HDGFL3: variants seen among roughly 807,000 people sequenced by gnomAD.
HDGFL3 encodes the protein HDGF like 3.
Under a neutral mutation model 27.6 loss-of-function variants are expected in HDGFL3, and 6 were observed. The ratio of observed to expected loss-of-function variants is 0.22; its 90% CI spans 0.12 to 0.43. HDGFL3 has a LOEUF of 0.43. Among genes scored for constraint, HDGFL3 ranks in the 20% least tolerant of loss-of-function variants. The pLI, the probability that HDGFL3 is intolerant of heterozygous loss-of-function variation, is 1.00. For synonymous variants in HDGFL3, 88 were observed against 88.9 expected, an observed-to-expected ratio of 0.99 and a Z score of 0.05; for missense variants, 207 against 250.1, an observed-to-expected ratio of 0.83 and a Z score of 1.16.
intron 3 of HDGFL3, among the ~76,000 whole-genome samples, chr15:83,121,129 G>A (rs568859302): frequency 6.6e-6 from 1 of 151,768 alleles, no homozygotes; most frequent in South Asian, 2.1e-4. Context: ...GGAGTGCAGT[G>A]GTGCGATCTT....
chr15:83,163,878 G>T, intron 2 of HDGFL3, 121 bp downstream of exon 2: 1 of 674,282 alleles, frequency 1.5e-6, no homozygotes, highest in South Asian at 1.8e-5. Context: ...TATTAACTTT[G>T]GCAATTTTAT....
chr15:83,176,944 G>C, intron 1 of HDGFL3, among the ~76,000 whole-genome samples: 1 of 62,554 alleles, frequency 1.6e-5, no homozygotes, highest in South Asian at 3.1e-4. Context: ...AAACCCCAGA[G>C]TCTTGCTCTG....
At chr15:83,187,980 T>C (rs1320509342) in intron 1 of HDGFL3, among the ~76,000 whole-genome samples, 1 of 151,944 alleles carries the variant, frequency 6.6e-6, no homozygotes, top group Non-Finnish European at 1.5e-5. Context: ...TTTGAGGAGA[T>C]TGTTGGATCA....
intron 1 of HDGFL3, among the ~76,000 whole-genome samples, chr15:83,175,022 T>C (rs138326448): frequency 6.6e-6 from 1 of 152,348 alleles, no homozygotes; most frequent in East Asian, 1.9e-4. Flanking sequence ...GTGAAAAGAA[T>C]ATGAAAGTGA....
At chr15:83,143,301 G>A (rs1177202382) in intron 5 of HDGFL3, among the ~76,000 whole-genome samples, 1 of 152,162 alleles carries the variant, frequency 6.6e-6, no homozygotes, top group Non-Finnish European at 1.5e-5. Context: ...CCCCTTAAAG[G>A]GGGCCAGGTG....
chr15:83,147,234 T>C (rs1469569345), intron 5 of HDGFL3, among the ~76,000 whole-genome samples: 1 of 152,050 alleles, frequency 6.6e-6, no homozygotes, highest in Non-Finnish European at 1.5e-5. Flanking sequence ...AGCCAATTTT[T>C]GTATTTTTAG....
In HDGFL3 at chr15:83,158,009, T is replaced by C. The variant is rs1375984187; in HGVS notation, c.194A>G (p.Tyr65Cys). 3 of 1,611,684 alleles carry C rather than the reference T, an allele frequency of 1.9e-6. No individual in the cohort carries two copies. The highest frequency in any genetic ancestry group is 2.5e-6 in the Non-Finnish European group (3 of 1,178,552). ...AFLGPKDLFPYKEYKDKFGKS... is the reference protein window; with the variant it reads ...AFLGPKDLFPCKEYKDKFGKS... ...TCCAAACTTGTCTTTGTACTCCTTA[T>C]ATGGAAAAAGGTCTTTGGGACCTAG... Residue 65 changes from tyrosine to cysteine, a missense_variant, in exon 3 of 6, where the codon TAT (tyrosine) becomes TGT (cysteine). Tyr to Cys is a radical substitution (Grantham distance 194). Coordinates refer to ENST00000299633, the MANE Select transcript of HDGFL3 (RefSeq NM_016073.4).
chr15:83,139,265 G>A lies in HDGFL3; in HGVS notation c.*5C>T. 3 of 1,439,068 alleles carry A rather than the reference G, an allele frequency of 2.1e-6. No homozygotes were observed. The highest frequency in any genetic ancestry group is 2.4e-5 in the Admixed American group (1 of 42,180). 89.1% of individuals were successfully genotyped at this position (1,439,068 alleles called of 1,614,324 possible). A position where few individuals can be genotyped will look rare whatever the true frequency, so the allele number is the denominator to read the frequency against. ...TCTCTTAATATGCAGCATTCATTAT[G>A]GTAGTTAGGTCTGTAAAAAAAAAAA... On this transcript the variant is annotated 3_prime_UTR_variant, in exon 6 of 6. Transcript: ENST00000299633.
At chr15:83,188,100 T>C (rs2037468387) in intron 1 of HDGFL3, among the ~76,000 whole-genome samples, 1 of 152,182 alleles carries the variant, frequency 6.6e-6, no homozygotes, top group Admixed American at 6.5e-5. Context: ...CTTCCAATCT[T>C]TGACAGCATT....
At position 83,159,130 on chromosome 15, in the gene HDGFL3, C is replaced by T. The variant is rs142475984; in HGVS notation, c.162-1089G>A. Among the ~76,000 whole-genome samples the T allele has an allele frequency of 6.6e-5, 10 of 152,204 alleles. No individual in the cohort carries two copies. The South Asian group carries it at 1.0e-3, about 16-fold the overall frequency. ...TGTTGGGATTACAGGCATAAGCCAC[C>T]GTGCCCAGCCTATTATTTCTATAAA... On this transcript the variant is annotated intron_variant, in intron 2 of 5. Coordinates refer to ENST00000299633, the MANE Select transcript of HDGFL3 (RefSeq NM_016073.4).
At chr15:83,146,500 A>G (rs1183533366) in intron 5 of HDGFL3, among the ~76,000 whole-genome samples, 1 of 151,812 alleles carries the variant, frequency 6.6e-6, no homozygotes, top group Non-Finnish European at 1.5e-5. Context: ...TCATACTCAA[A>G]CTCTGTTGAC....
chr15:83,143,249 TG>T (rs2036817349), intron 5 of HDGFL3, among the ~76,000 whole-genome samples: 1 of 152,108 alleles, frequency 6.6e-6, no homozygotes, highest in African/African-American at 2.4e-5. Context: ...TGACCTCAGG[TG>T]ACCCACCCAC....
At chr15:83,170,099 T>C (rs1289328744) in intron 1 of HDGFL3, among the ~76,000 whole-genome samples, 1 of 152,220 alleles carries the variant, frequency 6.6e-6, no homozygotes, top group Non-Finnish European at 1.5e-5. Flanking sequence ...AAACATTCCA[T>C]GTTCCTGCAC....
At chr15:83,117,735 C>A (rs1488852098) in intron 3 of HDGFL3, among the ~76,000 whole-genome samples, 1 of 152,036 alleles carries the variant, frequency 6.6e-6, no homozygotes, top group Non-Finnish European at 1.5e-5. Context: ...GGAGATGGGG[C>A]TTGGTCCAGC....
chr15:83,147,338 G>A (rs944161377), intron 5 of HDGFL3, among the ~76,000 whole-genome samples: 1 of 152,096 alleles, frequency 6.6e-6, no homozygotes, highest in South Asian at 2.1e-4. Flanking sequence ...GGGACTACAG[G>A]TGTGAGCCAC....
chr15:83,149,449 G>C (rs2036937323), intron 5 of HDGFL3, among the ~76,000 whole-genome samples: 1 of 152,202 alleles, frequency 6.6e-6, no homozygotes, highest in Non-Finnish European at 1.5e-5. Context: ...TGCCAAGTCA[G>C]ACTGAAGGAA....
At position 83,139,224 on chromosome 15, in the gene HDGFL3, T is replaced by C. The variant is rs372383678; in HGVS notation, c.*46A>G. 2.2e-6 allele frequency: 3 copies of C among 1,347,980 alleles called. No homozygotes were observed. The highest frequency in any genetic ancestry group is 1.5e-5 in the African/African-American group (1 of 66,228). 83.5% of individuals were successfully genotyped at this position (1,347,980 alleles called of 1,614,324 possible). On this transcript the variant is annotated 3_prime_UTR_variant, in exon 6 of 6. Coordinates refer to ENST00000299633, the MANE Select transcript of HDGFL3 (RefSeq NM_016073.4). The stretch of plus-strand genomic sequence containing the variant: ...CAAGAATATTAGACAACCAAACATA[T>C]AACCTTCTTGTGGTTTCTCTTAATA...
rs139347846 is a variant in HDGFL3 at position 83,176,257 on chromosome 15, G to A, written c.85-12182C>T. On this transcript the variant is annotated intron_variant, in intron 1 of 5. Transcript: ENST00000299633. ...AGTTTGAAACATTGTCCTACCTCTG[G>A]AAAGGGTATTAACAAATTAGATATA... Among the ~76,000 whole-genome samples, 403 of 152,240 alleles carry A rather than the reference G, an allele frequency of 2.6e-3. 4 individuals carry two copies. The highest frequency in any genetic ancestry group is 9.2e-3 in the African/African-American group (384 of 41,544).
chr15:83,196,522 T>C (rs1439968522), intron 1 of HDGFL3, among the ~76,000 whole-genome samples: 2 of 152,018 alleles, frequency 1.3e-5, no homozygotes, highest in Admixed American at 6.6e-5. Context: ...ATTTTGAAAA[T>C]GACTATAAAA....
Sources: allele counts gnomAD v4.1 joint callset (sites outside exome capture counted in the v4.1 genomes callset), GRCh38; gene constraint gnomAD v4.1.1; transcripts MANE v1.5; gene names NCBI Gene and HGNC (gene_info 2026-07-23, HGNC 2026-07-21).